The following NAV2 variants were observed in gnomAD, a reference collection of about 807,000 sequenced individuals.
NAV2 encodes the protein neuron navigator 2.
NAV2 carries 54 observed loss-of-function variants against 223.2 expected under a neutral mutation model. The observed-to-expected ratio is 0.24, with a 90% CI of 0.19 to 0.30. The LOEUF (loss-of-function observed/expected upper bound fraction) is 0.30. Among genes scored for constraint, NAV2 ranks in the 10% least tolerant of loss-of-function variants. NAV2 has a pLI of 1.00. For synonymous variants in NAV2, 1,279 were observed against 1,239.3 expected, an observed-to-expected ratio of 1.03 and a Z score of -0.67; for missense variants, 2,806 against 3,147.5, an observed-to-expected ratio of 0.89 and a Z score of 2.60.
intron 11 of NAV2, among the ~76,000 whole-genome samples, chr11:20,008,775 C>T (rs553499775): frequency 2.9e-4 from 44 of 151,568 alleles, no homozygotes; most frequent in Non-Finnish European, 5.4e-4. Flanking sequence ...CTAGATAAAC[C>T]GTTTGCACAG....
intron 1 of NAV2, among the ~76,000 whole-genome samples, chr11:19,580,136 G>A (rs1333839493): frequency 6.6e-6 from 1 of 152,100 alleles, no homozygotes; most frequent in Non-Finnish European, 1.5e-5. Flanking sequence ...GGGGGGTGGG[G>A]CTTCCAGGGC....
At chr11:19,554,608 G>T (rs545221032) in intron 1 of NAV2, among the ~76,000 whole-genome samples, 103 of 152,328 alleles carry the variant, frequency 6.8e-4, no homozygotes, top group Non-Finnish European at 1.1e-3. Context: ...GTCCTCCAGG[G>T]TTCTGTTTCT....
At chr11:19,742,129 C>T (rs2052894717) in intron 1 of NAV2, among the ~76,000 whole-genome samples, 1 of 152,138 alleles carries the variant, frequency 6.6e-6, no homozygotes, top group African/African-American at 2.4e-5. Flanking sequence ...TTGTCATACA[C>T]CTGTTCTCCC....
intron 1 of NAV2, among the ~76,000 whole-genome samples, chr11:19,477,635 A>G (rs2042158535): frequency 1.3e-5 from 2 of 152,366 alleles, no homozygotes. Context: ...GGTCCCCAGC[A>G]TAGAGCCTGA....
intron 1 of NAV2, 65 bp downstream of exon 1, chr11:19,714,027 T>C: frequency 6.3e-7 from 1 of 1,579,184 alleles, no homozygotes; most frequent in South Asian, 1.2e-5. Flanking sequence ...TTCGGGATGG[T>C]GTGGGAGAAA....
chr11:19,806,682 G>A lies in NAV2; in HGVS notation c.268-25802G>A, dbSNP rs140622982. Reference sequence around the variant, plus strand: ...AAGAGGGGATGGAGAATTTCTTTTGGTATTCTCATAGAGGCTTTGTATGCT... The same window carrying A: ...AAGAGGGGATGGAGAATTTCTTTTGATATTCTCATAGAGGCTTTGTATGCT... On this transcript the variant is annotated intron_variant, in intron 1 of 37. Transcript: ENST00000349880. 2.4e-3 allele frequency among the ~76,000 whole-genome samples: 359 copies of A among 152,240 alleles called. 1 individual carries two copies. Among genetic ancestry groups the A allele is most frequent in the African/African-American group, 8.3e-3 (344 of 41,536 alleles).
intron 1 of NAV2, among the ~76,000 whole-genome samples, chr11:19,578,578 C>A (rs569355724): frequency 6.6e-6 from 1 of 152,178 alleles, no homozygotes; most frequent in Non-Finnish European, 1.5e-5. Context: ...AGCCACCATG[C>A]CCTGGAGGTC....
chr11:19,507,288 G>C (rs1461189453), intron 1 of NAV2: 1 of 152,180 alleles, frequency 6.6e-6, no homozygotes, highest in Admixed American at 6.5e-5. Flanking sequence ...GTGACTGGCA[G>C]GGCCAGCTGT....
intron 6 of NAV2, among the ~76,000 whole-genome samples, chr11:19,906,760 C>G (rs533247611): frequency 1.3e-5 from 2 of 152,296 alleles, no homozygotes; most frequent in African/African-American, 4.8e-5. Flanking sequence ...TATGAGGCCC[C>G]TGTGGCCAAG....
At chr11:19,611,628 A>T (rs754941109) in intron 1 of NAV2, among the ~76,000 whole-genome samples, 251 of 152,368 alleles carry the variant, frequency 1.6e-3, no homozygotes, top group Non-Finnish European at 3.2e-3. Flanking sequence ...TTAAAGCTCC[A>T]AAATGATCTT....
rs187393575 is a variant in NAV2 at position 20,082,618 on chromosome 11, T to C, written c.5326-389T>C. 2.2e-5 allele frequency: 36 copies of C among 1,612,234 alleles called. No homozygotes were observed. In the East Asian group the frequency reaches 8.0e-4, roughly 36 times the overall value. On this transcript the variant is annotated intron_variant, in intron 25 of 37. Transcript: ENST00000349880. ...TCAATGAGGTAAGCAAGACCAACTT[T>C]AATATCAGATACCAAGCTAACCCAT...
chr11:19,453,310 C>G (rs1395938472), intron 1 of NAV2, among the ~76,000 whole-genome samples: 1 of 152,072 alleles, frequency 6.6e-6, no homozygotes, highest in Non-Finnish European at 1.5e-5. Context: ...AAATACTGGG[C>G]AAGATATGGG....
chr11:19,913,818 C>T (rs1480710812), intron 6 of NAV2, among the ~76,000 whole-genome samples: 3 of 152,194 alleles, frequency 2.0e-5, no homozygotes, highest in African/African-American at 7.2e-5. Flanking sequence ...TGGTGACTAG[C>T]TCTACGCCTT....
chr11:19,616,471 G>A (rs2046797353), intron 1 of NAV2, among the ~76,000 whole-genome samples: 1 of 152,118 alleles, frequency 6.6e-6, no homozygotes, highest in African/African-American at 2.4e-5. Context: ...CTTCACTTCT[G>A]TTGTTGAGAC....
At chr11:19,683,289 G>A (rs1191643437) in intron 1 of NAV2, among the ~76,000 whole-genome samples, 1 of 152,198 alleles carries the variant, frequency 6.6e-6, no homozygotes, top group East Asian at 1.9e-4. Flanking sequence ...TAAACGGAAT[G>A]TCAGGGGTTG....
At chr11:19,654,472 T>C (rs58502469) in intron 1 of NAV2, among the ~76,000 whole-genome samples, 2,534 of 152,122 alleles carry the variant, frequency 0.017, 63 homozygotes, top group African/African-American at 0.058. Flanking sequence ...GGAAGCATCA[T>C]GCTACCTGAC....
At chr11:19,620,204 G>T (rs1216724190) in intron 1 of NAV2, among the ~76,000 whole-genome samples, 1 of 152,084 alleles carries the variant, frequency 6.6e-6, no homozygotes, top group Non-Finnish European at 1.5e-5. Context: ...GATGCCTCCA[G>T]CTTTGTTCTT....
rs976527147 is a variant in NAV2, at chr11:19,386,082, G to T, written c.75+35055G>T. The stretch of plus-strand genomic sequence containing the variant: ...CCCAGCCCAATATAGCTCCATTTTT[G>T]ACCCCTCAATGTAAAAACAATTATC... On this transcript the variant is annotated intron_variant, in intron 1 of 37. Coordinates refer to the NAV2 transcript ENST00000360655. Among the ~76,000 whole-genome samples the T allele has an allele frequency of 4.6e-5, 7 of 152,168 alleles. No individual in the cohort carries two copies. In the East Asian group the frequency reaches 1.4e-3, roughly 29 times the overall value.
At chr11:19,568,504 T>C (rs959103689) in intron 1 of NAV2, among the ~76,000 whole-genome samples, 2 of 152,184 alleles carry the variant, frequency 1.3e-5, no homozygotes, top group African/African-American at 2.4e-5. Flanking sequence ...GCTGTACAGA[T>C]GGATCTTTAC....
Sources: gnomAD v4.1 joint callset for allele counts (sites outside exome capture counted in the v4.1 genomes callset) on GRCh38, gnomAD v4.1.1 for gene constraint, MANE v1.5 for transcripts, NCBI Gene and HGNC (gene_info 2026-07-23, HGNC 2026-07-21) for gene names.